Variants in NHSL1 observed in about 807,000 individuals in gnomAD.
The protein encoded by NHSL1 is NHS like 1, also known as NHS-like protein 1.
A neutral mutation model predicts 95.0 loss-of-function variants in NHSL1; 48 were observed. The ratio of observed to expected loss-of-function variants is 0.51; its 90% CI spans 0.40 to 0.64. The LOEUF (loss-of-function observed/expected upper bound fraction) is 0.64, where lower values mean the gene tolerates loss of function less well. NHSL1 is among the 30% of genes least tolerant of loss of function. The pLI is 0.00. For synonymous variants in NHSL1, 783 were observed against 833.9 expected, an observed-to-expected ratio of 0.94 and a Z score of 1.05; for missense variants, 1,971 against 2,077.7, an observed-to-expected ratio of 0.95 and a Z score of 1.00.
chr6:138,623,396 ATTTAT>A (rs886528305), intron 1 of NHSL1, among the ~76,000 whole-genome samples: 4 of 152,182 alleles, frequency 2.6e-5, no homozygotes, highest in South Asian at 2.1e-4. Context: ...TTATTCATTT[ATTTAT>A]TTTAATTCAT....
At chr6:138,493,612 G>A (rs981985920) in intron 2 of NHSL1, among the ~76,000 whole-genome samples, 1 of 152,224 alleles carries the variant, frequency 6.6e-6, no homozygotes, top group Non-Finnish European at 1.5e-5. Flanking sequence ...ACCATGTAGT[G>A]CTCTGTTGCT....
intron 1 of NHSL1, among the ~76,000 whole-genome samples, chr6:138,535,264 G>GA (rs1210090968): frequency 6.6e-6 from 1 of 151,942 alleles, no homozygotes; most frequent in South Asian, 2.1e-4. Flanking sequence ...GTAGGAATAA[G>GA]AAAAAAAAGT....
chr6:138,625,884 C>T (rs1390207595), intron 1 of NHSL1, among the ~76,000 whole-genome samples: 1 of 152,158 alleles, frequency 6.6e-6, no homozygotes, highest in African/African-American at 2.4e-5. Context: ...CTCAAGCAAT[C>T]CTCCTGCTTA....
At chr6:138,572,847 GTAGATAGA>G (rs60380179), upstream of NHSL1, among the ~76,000 whole-genome samples, 2,963 of 149,828 alleles carry the variant, frequency 0.02, 37 homozygotes, top group Non-Finnish European at 0.028. Flanking sequence ...GCTTAATACA[GTAGATAGA>G]TAGATAGATA....
chr6:138,609,189 G>A (rs1784474537), intron 1 of NHSL1, among the ~76,000 whole-genome samples: 1 of 152,198 alleles, frequency 6.6e-6, no homozygotes, highest in African/African-American at 2.4e-5. Context: ...AATGGATGTT[G>A]CTTAGGCCTC....
At chr6:138,437,087 C>T (rs1776151956) in intron 5 of NHSL1, among the ~76,000 whole-genome samples, 1 of 151,882 alleles carries the variant, frequency 6.6e-6, no homozygotes, top group African/African-American at 2.4e-5. Flanking sequence ...GCCTGAACAA[C>T]ATAAAGAAAC....
intron 1 of NHSL1, among the ~76,000 whole-genome samples, chr6:138,613,371 A>G (rs1053045071): frequency 1.3e-5 from 2 of 152,160 alleles, no homozygotes; most frequent in South Asian, 4.1e-4. Flanking sequence ...CCAGTCAGTG[A>G]TGGCCACCAC....
At chr6:138,674,014 T>C (rs1194418767) in intron 1 of NHSL1, among the ~76,000 whole-genome samples, 3 of 152,232 alleles carry the variant, frequency 2.0e-5, no homozygotes, top group Non-Finnish European at 4.4e-5. Context: ...TTTTCTTGTA[T>C]TTTATCAGTA....
rs79456955 is a variant in NHSL1, at chr6:138,518,476, ATTTT to A, written c.17-22109_17-22106del. On this transcript the variant is annotated intron_variant, in intron 1 of 4. Transcript: ENST00000342260. The stretch of plus-strand genomic sequence containing the variant: ...TGAGGGTAGAACGTCCACAGGAATG[ATTTT>A]TTTTTTTTTTTTTTTAGAAAAACCC... Among the ~76,000 whole-genome samples, 920 of 137,044 alleles carry A rather than the reference ATTTT, an allele frequency of 6.7e-3. 22 individuals carry two copies. The highest frequency in any genetic ancestry group is 0.052 in the Admixed American group (709 of 13,730). 89.9% of individuals were successfully genotyped at this position (137,044 alleles called of 152,430 possible). A position where few individuals can be genotyped will look rare whatever the true frequency, so the allele number is the denominator to read the frequency against.
chr6:138,424,233 T>TCGCCAGTC lies in NHSL1; in HGVS notation c.4661_4668dup (p.Arg1557AspfsTer49), dbSNP rs1210761545. 6.6e-7 allele frequency: 1 copy of TCGCCAGTC among 1,506,852 alleles called. No individual in the cohort carries two copies. The highest frequency in any genetic ancestry group is 8.9e-7 in the Non-Finnish European group (1 of 1,128,450). The allele number at this position is 1,506,852 out of a possible 1,614,324, so 93.3% of individuals were successfully genotyped here. A position where few individuals can be genotyped will look rare whatever the true frequency, so the allele number is the denominator to read the frequency against. ...AGGCCGCCCTCGTCCATCTCCTCCC[T>TCGCCAGTC]CGCCAGTCCGTCCAGGGAACATCCC... On this transcript the variant is annotated frameshift_variant, in exon 8 of 8. Coordinates refer to ENST00000343505, the MANE Select transcript of NHSL1 (RefSeq NM_001144060.2). LOFTEE classifies it low-confidence loss of function (END_TRUNC). The surrounding 1 kb of genome is among the most constrained non-coding windows in gnomAD (Gnocchi z 5.9).
At chr6:138,512,270 G>C (rs180914158) in intron 1 of NHSL1, 1 of 455,406 alleles carries the variant, frequency 2.2e-6, no homozygotes, top group African/African-American at 2.0e-5. Flanking sequence ...TCTGAAGAGA[G>C]ATACTCACCA....
chr6:138,608,513 A>G (rs988508365), intron 1 of NHSL1, among the ~76,000 whole-genome samples: 3 of 152,236 alleles, frequency 2.0e-5, no homozygotes, highest in Admixed American at 6.5e-5. Context: ...TGCTTTCTCT[A>G]TAAAATAGGC....
intron 1 of NHSL1, among the ~76,000 whole-genome samples, chr6:138,565,778 A>T (rs1783590888): frequency 6.6e-6 from 1 of 151,678 alleles, no homozygotes. Context: ...AAAATAAAAT[A>T]AAATAAAATA....
At chr6:138,547,387 T>C (rs1675323543), upstream of NHSL1, among the ~76,000 whole-genome samples, 1 of 150,958 alleles carries the variant, frequency 6.6e-6, no homozygotes, top group Non-Finnish European at 1.5e-5. Flanking sequence ...CTTCTTCTTC[T>C]TTTTTTTTCC....
chr6:138,529,752 C>T (rs1782058646), intron 1 of NHSL1, among the ~76,000 whole-genome samples: 1 of 152,228 alleles, frequency 6.6e-6, no homozygotes, highest in African/African-American at 2.4e-5. Flanking sequence ...AACTTCCGCT[C>T]TGCCATCAAC....
chr6:138,493,893 G>A (rs746312283), intron 2 of NHSL1, among the ~76,000 whole-genome samples: 1 of 152,128 alleles, frequency 6.6e-6, no homozygotes, highest in South Asian at 2.1e-4. Context: ...CGAACCAAAC[G>A]AATGCCATTC....
At chr6:138,469,264 A>G (rs1268079872) in intron 3 of NHSL1, among the ~76,000 whole-genome samples, 1 of 152,224 alleles carries the variant, frequency 6.6e-6, no homozygotes, top group East Asian at 1.9e-4. Context: ...GCGGATGCAC[A>G]CAAATGAAAC....
intron 3 of NHSL1, among the ~76,000 whole-genome samples, chr6:138,471,855 T>C (rs1011848673): frequency 6.6e-6 from 1 of 152,192 alleles, no homozygotes; most frequent in African/African-American, 2.4e-5. Flanking sequence ...TAAATGTATA[T>C]AATTATGACT....
At position 138,496,224 on chromosome 6, in the gene NHSL1, A is replaced by G. The variant is rs1780340436; in HGVS notation, c.206T>C (p.Leu69Pro). ...RQAKLNLKSV[L>P]RECDKLRHDG... ...CACAGAGGATGCCATCTTACCCCTC[A>G]GTACTGATTTGAGGTTGAGCTTGGC... The change falls in exon 2 of 8, where the codon CTG (leucine) becomes CCG (proline). Residue 69 changes from leucine (L) to proline (P), a missense_variant. By Grantham distance (98) the Leu-to-Pro change is moderately conservative. Transcript: ENST00000343505. 1.9e-6 allele frequency: 3 copies of G among 1,551,078 alleles called. No individual in the cohort carries two copies. The highest frequency in any genetic ancestry group is 2.6e-6 in the Non-Finnish European group (3 of 1,146,728).
Sources: allele counts gnomAD v4.1 joint callset (sites outside exome capture counted in the v4.1 genomes callset), GRCh38; gene constraint gnomAD v4.1.1; non-coding constraint Gnocchi (gnomAD v3.1); transcripts MANE v1.5; gene names NCBI Gene and HGNC (gene_info 2026-07-23, HGNC 2026-07-21).